Variants in CCDC112 observed in about 807,000 individuals in gnomAD.
CCDC112 encodes coiled-coil domain-containing protein 112.
In CCDC112, 40 loss-of-function variants were observed where a neutral mutation model predicts 66.3. The observed-to-expected ratio is 0.60, with a 90% CI of 0.47 to 0.79. The LOEUF (loss-of-function observed/expected upper bound fraction) is 0.79. Ranked by LOEUF, CCDC112 falls within the 30% of genes least tolerant of loss-of-function variation. The pLI is 0.00. For missense variants in CCDC112, 659 were observed against 603.8 expected, an observed-to-expected ratio of 1.09 and a Z score of -0.96; for synonymous variants, 214 against 197.2, an observed-to-expected ratio of 1.09 and a Z score of -0.71.
Position 115,275,327 on chromosome 5 carries a change from T to G in CCDC112, c.807A>C (p.Pro269=), listed in dbSNP as rs1749159062. The change falls in exon 6 of 10, where the codon CCA becomes CCC. Residue 269 remains proline (P), a synonymous_variant. Coordinates refer to ENST00000379611, the MANE Select transcript of CCDC112 (RefSeq NM_001040440.3). ...VKVRNKHKGK[P]TFMEEVLEHL... is the part of the protein sequence containing the mutation. Reference sequence around the variant, plus strand: ...GTTCTAGAACTTCTTCCATAAATGTTGGCTTCCCTTTATGTTTGTTTCTCA... The same window carrying G: ...GTTCTAGAACTTCTTCCATAAATGTGGGCTTCCCTTTATGTTTGTTTCTCA... The G allele has an allele frequency of 6.2e-7, 1 of 1,614,118 alleles. No individual in the cohort carries two copies. The highest frequency in any genetic ancestry group is 8.5e-7 in the Non-Finnish European group (1 of 1,179,974).
intron 1 of CCDC112, among the ~76,000 whole-genome samples, chr5:115,295,167 T>C (rs943453914): frequency 1.3e-5 from 2 of 152,120 alleles, no homozygotes; most frequent in African/African-American, 4.8e-5. Context: ...TGATAAAATA[T>C]CTGAAAGAGC....
intron 1 of CCDC112, among the ~76,000 whole-genome samples, chr5:115,290,443 G>GT (rs973199855): frequency 6.6e-6 from 1 of 152,104 alleles, no homozygotes; most frequent in Non-Finnish European, 1.5e-5. Flanking sequence ...TTTCAAGATT[G>GT]TTTTGGCTAT....
In CCDC112 at chr5:115,284,859, T is replaced by C; in HGVS notation, c.167A>G (p.Gln56Arg). The C allele has an allele frequency of 6.2e-7, 1 of 1,612,730 alleles. No individual in the cohort carries two copies. Among genetic ancestry groups the C allele is most frequent in the Non-Finnish European group, 8.5e-7 (1 of 1,178,934 alleles). ...CTGATTAACTTTCTGCTTCCAGTTC[T>C]GAAGATGAAAAGGACGAATTCCACC... Reference protein sequence around the residue: ...TSGGIRPFHLQNWKQKVNQTK... With the variant: ...TSGGIRPFHLRNWKQKVNQTK... The change falls in exon 2 of 10, where the codon CAG becomes CGG. Residue 56 changes from glutamine to arginine, a missense_variant. Transcript: ENST00000379611.
At chr5:115,295,638 T>A (rs1032106359) in intron 1 of CCDC112, among the ~76,000 whole-genome samples, 2 of 152,188 alleles carry the variant, frequency 1.3e-5, no homozygotes, top group Non-Finnish European at 2.9e-5. Context: ...ACAACAGGCA[T>A]AGTTCTTGGT....
In CCDC112 at chr5:115,277,144, TA is replaced by T. The variant is rs561678228; in HGVS notation, c.362-91del. ...TACATGTAAGACTGATCACTGTTAG[TA>T]AAAGCCAAGAGCAATTAAATAAAGA... On this transcript the variant is annotated intron_variant, in intron 3 of 9. Transcript: ENST00000379611. The T allele has an allele frequency of 4.0e-4, 290 of 716,324 alleles. No individual in the cohort carries two copies. In the African/African-American group the frequency reaches 4.6e-3, roughly 11 times the overall value. 44.4% of individuals were successfully genotyped at this position (716,324 alleles called of 1,614,324 possible).
intron 2 of CCDC112, among the ~76,000 whole-genome samples, chr5:115,282,531 T>C (rs1180902275): frequency 2.0e-5 from 3 of 152,184 alleles, no homozygotes; most frequent in African/African-American, 7.2e-5. Flanking sequence ...TATAATGCCA[T>C]TATTGTGCCT....
chr5:115,286,535 T>A (rs1279460485), intron 1 of CCDC112, among the ~76,000 whole-genome samples: 1 of 152,208 alleles, frequency 6.6e-6, no homozygotes, highest in Non-Finnish European at 1.5e-5. Flanking sequence ...AATGCATGTT[T>A]TCAATTCTCT....
intron 3 of CCDC112, among the ~76,000 whole-genome samples, chr5:115,277,988 G>C (rs1399632648): frequency 6.6e-6 from 1 of 151,970 alleles, no homozygotes; most frequent in African/African-American, 2.4e-5. Context: ...TTTACCTATA[G>C]GTTTGCAGTC....
At chr5:115,289,144 C>T (rs973817975) in intron 1 of CCDC112, 1 of 211,822 alleles carries the variant, frequency 4.7e-6, no homozygotes, top group Non-Finnish European at 9.5e-6. Flanking sequence ...CCACTTTGGC[C>T]AGTTTTCCTT....
chr5:115,287,837 T>G (rs1034365382), intron 1 of CCDC112, among the ~76,000 whole-genome samples: 6 of 151,048 alleles, frequency 4.0e-5, no homozygotes, highest in Admixed American at 2.0e-4. Context: ...TGTGCTCAAC[T>G]CCAATCTGCT....
intron 1 of CCDC112, chr5:115,288,941 G>A (rs1179532533): frequency 4.7e-6 from 2 of 426,970 alleles, no homozygotes; most frequent in Non-Finnish European, 9.2e-6. Flanking sequence ...TGTACAAGGA[G>A]GGAGACAGGG....
intron 3 of CCDC112, among the ~76,000 whole-genome samples, chr5:115,277,523 C>T (rs115594821): frequency 1.3e-5 from 2 of 152,094 alleles, no homozygotes; most frequent in Non-Finnish European, 2.9e-5. Context: ...TTAATTTCAT[C>T]CAACCAAATC....
chr5:115,289,504 C>T (rs1002214007), intron 1 of CCDC112, among the ~76,000 whole-genome samples: 5 of 152,180 alleles, frequency 3.3e-5, no homozygotes, highest in African/African-American at 1.2e-4. Context: ...TTACAGAACC[C>T]ACTGTTCTGT....
At chr5:115,287,280 T>C (rs906562992) in intron 1 of CCDC112, among the ~76,000 whole-genome samples, 1 of 152,240 alleles carries the variant, frequency 6.6e-6, no homozygotes, top group African/African-American at 2.4e-5. Context: ...TGACTAATGA[T>C]GTTGAGCATT....
Position 115,271,438 on chromosome 5 carries a change from C to T in CCDC112, c.1107G>A (p.Met369Ile). 1 of 1,609,668 alleles carries T rather than the reference C, an allele frequency of 6.2e-7. No individual in the cohort carries two copies. Among genetic ancestry groups the T allele is most frequent in the Non-Finnish European group, 8.5e-7 (1 of 1,179,106 alleles). Residue 369 changes from methionine (M) to isoleucine (I), a missense_variant, in exon 7 of 10, where the codon ATG (methionine) becomes ATA (isoleucine). By Grantham distance (10) the Met-to-Ile change is conservative (BLOSUM62 1). Transcript: ENST00000379611. ...TTAACTGGGAAGCACATTTCATTGA[C>T]ATTTCTATACTTTTCTGTTTCTTCC... ...EAWKKQKSIE[M>I]SMKCASQLKE...
chr5:115,277,401 T>A (rs1452769782), intron 3 of CCDC112, among the ~76,000 whole-genome samples: 4 of 152,230 alleles, frequency 2.6e-5, no homozygotes, highest in African/African-American at 9.6e-5. Context: ...GTGTTTCATT[T>A]CTTTTTAATT....
chr5:115,294,679 T>G (rs1241833434), intron 1 of CCDC112, among the ~76,000 whole-genome samples: 1 of 152,186 alleles, frequency 6.6e-6, no homozygotes, highest in Non-Finnish European at 1.5e-5. Flanking sequence ...TACTAGTTGG[T>G]TTCAGTGTTA....
intron 3 of CCDC112, among the ~76,000 whole-genome samples, chr5:115,278,792 T>C (rs1448327271): frequency 6.6e-6 from 1 of 152,174 alleles, no homozygotes; most frequent in Admixed American, 6.5e-5. Flanking sequence ...TGCAACCTTG[T>C]ATTTTGAAAG....
At chr5:115,268,047 T>C (rs1003414249) in intron 9 of CCDC112, 129 bp from the exon 10 acceptor site, 1 of 699,866 alleles carries the variant, frequency 1.4e-6, no homozygotes, top group African/African-American at 1.8e-5. Context: ...CTGGTTCATA[T>C]GGGCATGTAG....
Sources: allele counts gnomAD v4.1 joint callset (sites outside exome capture counted in the v4.1 genomes callset), GRCh38; gene constraint gnomAD v4.1.1; transcripts MANE v1.5; gene names NCBI Gene and HGNC (gene_info 2026-07-23, HGNC 2026-07-21).